PCDH15: variants seen among roughly 807,000 people sequenced by gnomAD.
PCDH15 encodes protocadherin related 15.
Under a neutral mutation model 178.5 loss-of-function variants are expected in PCDH15, and 129 were observed. The ratio of observed to expected loss-of-function variants is 0.72; its 90% CI spans 0.63 to 0.84. The LOEUF (loss-of-function observed/expected upper bound fraction) is 0.84. PCDH15 is among the 40% of genes least tolerant of loss of function. PCDH15 has a pLI of 0.00. For missense variants in PCDH15, 2,230 were observed against 2,099.9 expected, an observed-to-expected ratio of 1.06 and a Z score of -1.21; for synonymous variants, 800 against 732.0, an observed-to-expected ratio of 1.09 and a Z score of -1.50.
intron 3 of PCDH15, among the ~76,000 whole-genome samples, chr10:54,873,495 AC>A (rs918201481): frequency 1.2e-3 from 184 of 148,532 alleles, no homozygotes; most frequent in African/African-American, 4.4e-3. Context: ...TAATATATAT[AC>A]GTGTATGTAT....
chr10:55,602,021 T>C (rs1843093361), intron 2 of PCDH15, among the ~76,000 whole-genome samples: 1 of 152,024 alleles, frequency 6.6e-6, no homozygotes, highest in South Asian at 2.1e-4. Context: ...CGCAGGTCAG[T>C]GGGTGCACGC....
At chr10:54,691,643 C>T (rs749438060) in intron 1 of PCDH15, among the ~76,000 whole-genome samples, 3 of 151,736 alleles carry the variant, frequency 2.0e-5, no homozygotes, top group Non-Finnish European at 2.9e-5. Flanking sequence ...AGCCACACAT[C>T]GTCTACATTT....
chr10:54,989,218 G>A (rs757070688), intron 2 of PCDH15, among the ~76,000 whole-genome samples: 2 of 152,220 alleles, frequency 1.3e-5, no homozygotes, highest in Non-Finnish European at 2.9e-5. Context: ...TGCTGCAGGG[G>A]TGGGGCCTTC....
chr10:53,827,456 G>C lies in PCDH15; in HGVS notation c.4304C>G (p.Pro1435Arg). Residue 1435 changes from proline to arginine, a missense_variant, in exon 32 of 38, where the codon CCC (proline) becomes CGC (arginine). Transcript: ENST00000644397. ...AVPAPAPVAA[P>R]PPPPPPPPGA... ...TGGCGGAGGCGGCGGCGGCGGCGGG[G>C]GCGCTGCCACTGGTGCAGGAGCCGG... 2 of 1,613,740 alleles carry C rather than the reference G, an allele frequency of 1.2e-6. No homozygotes were observed. The highest frequency in any genetic ancestry group is 1.7e-6 in the Non-Finnish European group (2 of 1,179,738).
intron 25 of PCDH15, among the ~76,000 whole-genome samples, chr10:53,931,471 G>A (rs1425283758): frequency 6.6e-6 from 1 of 152,106 alleles, no homozygotes; most frequent in Non-Finnish European, 1.5e-5. Context: ...TGCATTTTAG[G>A]CTATTGGGAT....
At chr10:54,852,384 T>C (rs1246575219) in intron 3 of PCDH15, among the ~76,000 whole-genome samples, 2 of 151,974 alleles carry the variant, frequency 1.3e-5, no homozygotes, top group Non-Finnish European at 2.9e-5. Flanking sequence ...ATTACTGCAA[T>C]AGAAGGTGGA....
intron 2 of PCDH15, among the ~76,000 whole-genome samples, chr10:55,466,112 G>A (rs954749627): frequency 1.3e-5 from 2 of 152,136 alleles, no homozygotes; most frequent in African/African-American, 4.8e-5. Flanking sequence ...CAGCCAATAC[G>A]AAAATATGCA....
intron 3 of PCDH15, among the ~76,000 whole-genome samples, chr10:54,445,633 A>G (rs1318572634): frequency 6.6e-6 from 1 of 151,566 alleles, no homozygotes; most frequent in Non-Finnish European, 1.5e-5. Flanking sequence ...TTTCTAATAA[A>G]TGTCTATTTT....
chr10:54,889,904 C>T (rs1187224967), intron 3 of PCDH15, among the ~76,000 whole-genome samples: 2 of 151,742 alleles, frequency 1.3e-5, no homozygotes, highest in Non-Finnish European at 2.9e-5. Flanking sequence ...TATCACAGCA[C>T]CCATAGTATC....
intron 9 of PCDH15, 46 bp downstream of exon 9, chr10:54,236,777 A>T (rs1421171504): frequency 2.8e-6 from 4 of 1,425,558 alleles, no homozygotes; most frequent in Non-Finnish European, 4.0e-6. Flanking sequence ...TTGTTACTGT[A>T]AGATTCTAGA....
At chr10:54,011,221 C>G (rs1181638231) in intron 20 of PCDH15, among the ~76,000 whole-genome samples, 2 of 152,184 alleles carry the variant, frequency 1.3e-5, no homozygotes, top group Non-Finnish European at 2.9e-5. Flanking sequence ...AGTGATATTG[C>G]CCTTGCTGCC....
chr10:55,219,044 A>T (rs1840792721), intron 1 of PCDH15, among the ~76,000 whole-genome samples: 1 of 151,992 alleles, frequency 6.6e-6, no homozygotes, highest in South Asian at 2.1e-4. Flanking sequence ...TTATCAAGTG[A>T]CTTTGTTTTA....
chr10:54,706,234 A>T (rs56403105), intron 1 of PCDH15, among the ~76,000 whole-genome samples: 15,302 of 152,186 alleles, frequency 0.1, 1,024 homozygotes, highest in Middle Eastern at 0.17. Flanking sequence ...CATTTAAATT[A>T]TCTTTAATAT....
chr10:54,127,344 T>C (rs1460838568), intron 15 of PCDH15, among the ~76,000 whole-genome samples: 1 of 152,202 alleles, frequency 6.6e-6, no homozygotes, highest in Non-Finnish European at 1.5e-5. Context: ...TCGCCAGCAG[T>C]AGGTGAATGG....
At chr10:55,333,059 T>C (rs921196351) in intron 2 of PCDH15, among the ~76,000 whole-genome samples, 1 of 152,184 alleles carries the variant, frequency 6.6e-6, no homozygotes, top group Non-Finnish European at 1.5e-5. Context: ...TGAAAGTCAC[T>C]ACTTTTAACA....
At chr10:55,534,364 C>G (rs951118554) in intron 2 of PCDH15, among the ~76,000 whole-genome samples, 3 of 151,904 alleles carry the variant, frequency 2.0e-5, no homozygotes, top group African/African-American at 7.2e-5. Context: ...GGAACCTAAA[C>G]AAAACTAGAA....
Position 54,622,578 on chromosome 10 carries a change from TATATAA to T in PCDH15, c.91+41588_91+41593del, listed in dbSNP as rs1277284906. Reference sequence around the variant, plus strand: ...TCATTGTAACCTGTGTGTATATATATATATAATATATATAATATATAATATATATAA... The same window carrying T: ...TCATTGTAACCTGTGTGTATATATATTATATATAATATATAATATATATAA... On this transcript the variant is annotated intron_variant, in intron 2 of 37. Coordinates refer to ENST00000644397, the MANE Select transcript of PCDH15 (RefSeq NM_001384140.1). 1.3e-3 allele frequency among the ~76,000 whole-genome samples: 129 copies of T among 101,064 alleles called. 1 individual carries two copies. The East Asian group carries it at 0.029, about 23-fold the overall frequency. The allele number at this position is 101,064 out of a possible 152,430, so 66.3% of individuals were successfully genotyped here.
intron 8 of PCDH15, among the ~76,000 whole-genome samples, chr10:54,274,663 G>A (rs1205156721): frequency 6.8e-6 from 1 of 146,020 alleles, no homozygotes; most frequent in Non-Finnish European, 1.5e-5. Context: ...TGTGTCTAAA[G>A]TCACCCTAAG....
At chr10:54,755,463 G>A (rs1173290618) in intron 1 of PCDH15, among the ~76,000 whole-genome samples, 1 of 152,064 alleles carries the variant, frequency 6.6e-6, no homozygotes, top group Admixed American at 6.6e-5. Context: ...GCTTAAGGGT[G>A]CAGCTCTAGA....
Sources: gnomAD v4.1 joint callset for allele counts (sites outside exome capture counted in the v4.1 genomes callset) on GRCh38, gnomAD v4.1.1 for gene constraint, MANE v1.5 for transcripts, NCBI Gene and HGNC (gene_info 2026-07-23, HGNC 2026-07-21) for gene names.